Variants in CASZ1 observed in about 807,000 individuals in gnomAD.
The protein encoded by CASZ1 is zinc finger protein castor homolog 1.
Under a neutral mutation model 135.2 loss-of-function variants are expected in CASZ1, and 28 were observed. The observed-to-expected ratio is 0.21, with a 90% CI of 0.15 to 0.28. The LOEUF is 0.28. Among genes scored for constraint, CASZ1 ranks in the 10% least tolerant of loss-of-function variants. The pLI is 1.00. For synonymous variants in CASZ1, 1,068 were observed against 1,073.4 expected, an observed-to-expected ratio of 0.99 and a Z score of 0.10; for missense variants, 2,161 against 2,453.3, an observed-to-expected ratio of 0.88 and a Z score of 2.52.
rs1469814173 is a variant in CASZ1, at chr1:10,694,888, CGCCGGCGGCCGCGCGCGCGCTCGCATGCT to C, written c.-23-1005_-23-977del. On this transcript the variant is annotated intron_variant, in intron 3 of 20. Transcript: ENST00000377022. The surrounding 1 kb of genome is among the most constrained non-coding windows in gnomAD (Gnocchi z 6.6). ...CGGGCACGCGCCCACTCTTGCCGGC[CGCCGGCGGCCGCGCGCGCGCTCGCATGCT>C]GCCAGCGGCCGCTCGGGCCCCGCGA... Among the ~76,000 whole-genome samples, 4 of 143,610 alleles carry C rather than the reference CGCCGGCGGCCGCGCGCGCGCTCGCATGCT, an allele frequency of 2.8e-5. No homozygotes were observed. Among genetic ancestry groups the C allele is most frequent in the African/African-American group, 7.5e-5 (3 of 40,064 alleles). 94.2% of individuals were successfully genotyped at this position (143,610 alleles called of 152,430 possible). A position where few individuals can be genotyped will look rare whatever the true frequency, so the allele number is the denominator to read the frequency against.
At chr1:10,661,730 C>A (rs1040716123) in intron 5 of CASZ1, among the ~76,000 whole-genome samples, 3 of 151,152 alleles carry the variant, frequency 2.0e-5, no homozygotes, top group South Asian at 2.1e-4. Context: ...CACACACACA[C>A]AAAACATACA....
chr1:10,718,906 C>T (rs981716299), intron 2 of CASZ1, among the ~76,000 whole-genome samples: 2 of 152,134 alleles, frequency 1.3e-5, no homozygotes, highest in African/African-American at 4.8e-5. Context: ...GTCTCTCTTG[C>T]TCTGTTGCCC....
chr1:10,740,925 A>T lies in CASZ1; in HGVS notation c.-77+19776T>A, dbSNP rs116999638. Among the ~76,000 whole-genome samples, 718 of 130,496 alleles carry T rather than the reference A, an allele frequency of 5.5e-3. 39 individuals carry two copies. In the East Asian group the frequency reaches 0.16, roughly 30 times the overall value. 85.6% of individuals were successfully genotyped at this position (130,496 alleles called of 152,430 possible). On this transcript the variant is annotated intron_variant, in intron 2 of 20. Transcript: ENST00000377022. ...GTGAGCTATGATCGCTTCACTGCACACCAGCCTGGGCGACAGGGTGAGACC... is the reference window on the plus strand; with the variant it reads ...GTGAGCTATGATCGCTTCACTGCACTCCAGCCTGGGCGACAGGGTGAGACC...
chr1:10,691,782 T>TGG (rs1638778426), intron 4 of CASZ1, among the ~76,000 whole-genome samples: 1 of 152,072 alleles, frequency 6.6e-6, no homozygotes, highest in Non-Finnish European at 1.5e-5. Context: ...TTTGGTGAAG[T>TGG]GGGGGGAAGA....
Position 10,639,821 on chromosome 1 carries a change from C to G in CASZ1, c.4401G>C (p.Lys1467Asn). The G allele has an allele frequency of 6.2e-7, 1 of 1,610,534 alleles. No individual in the cohort carries two copies. Among genetic ancestry groups the G allele is most frequent in the Non-Finnish European group, 8.5e-7 (1 of 1,178,910 alleles). Residue 1467 changes from lysine (K) to asparagine (N), a missense_variant, in exon 21 of 21, where the codon AAG becomes AAC. This residue lies in a region of CASZ1 where 240 missense variants were observed against 321.4 expected (regional missense o/e 0.75). Transcript: ENST00000377022. The surrounding 1 kb of genome is among the most constrained non-coding windows in gnomAD (Gnocchi z 4.0). ...YHCTRENCGYKFCGRTHMYKH... is the reference protein window; with the variant it reads ...YHCTRENCGYNFCGRTHMYKH... The stretch of plus-strand genomic sequence containing the variant: ...TGTACATGTGCGTGCGCCCGCAGAA[C>G]TTGTAGCCGCAGTTCTCGCGCGTGC...
chr1:10,691,675 A>C (rs1638773327), intron 4 of CASZ1, among the ~76,000 whole-genome samples: 1 of 152,142 alleles, frequency 6.6e-6, no homozygotes, highest in Admixed American at 6.5e-5. Context: ...GTGCACTATG[A>C]AGTTGAGGGA....
chr1:10,751,703 C>T (rs1292559194), intron 2 of CASZ1, among the ~76,000 whole-genome samples: 1 of 152,182 alleles, frequency 6.6e-6, no homozygotes, highest in Non-Finnish European at 1.5e-5. Context: ...TCGTGCGGCA[C>T]CCCCGGCCCC....
intron 2 of CASZ1, among the ~76,000 whole-genome samples, chr1:10,729,253 T>C (rs946595701): frequency 4.6e-5 from 7 of 151,286 alleles, no homozygotes; most frequent in African/African-American, 1.7e-4. Context: ...CTGGCGCTAA[T>C]GGGAAGCAAG....
intron 12 of CASZ1, 91 bp from the exon 13 acceptor site, chr1:10,650,846 C>T (rs1004724214): frequency 4.1e-5 from 65 of 1,598,744 alleles, no homozygotes; most frequent in East Asian, 2.5e-4. Flanking sequence ...GGGCTCCAGC[C>T]GAGCCCGCTG....
At chr1:10,763,365 A>G (rs912317702) in intron 1 of CASZ1, among the ~76,000 whole-genome samples, 2 of 152,116 alleles carry the variant, frequency 1.3e-5, no homozygotes, top group African/African-American at 4.8e-5. Flanking sequence ...GCCCTTAGAC[A>G]AGCCTGCTAA....
In CASZ1 at chr1:10,765,126, C is replaced by T. The variant is rs140834357; in HGVS notation, c.-233-4269G>A. On this transcript the variant is annotated intron_variant, in intron 1 of 20. Transcript: ENST00000377022. Reference sequence around the variant, plus strand: ...CCACAATGAACATCAGCCACGGAGACGCGGGATTGGGAAGCAGGGCCAGAG... The same window carrying T: ...CCACAATGAACATCAGCCACGGAGATGCGGGATTGGGAAGCAGGGCCAGAG... 1.9e-3 allele frequency among the ~76,000 whole-genome samples: 296 copies of T among 152,250 alleles called. 6 individuals are homozygous for T. In the South Asian group the frequency reaches 0.037, roughly 19 times the overall value.
chr1:10,700,092 C>CACACACACACACACACACAT lies in CASZ1; in HGVS notation c.-24+5399_-24+5400insATGTGTGTGTGTGTGTGTGT, dbSNP rs1639029583. Among the ~76,000 whole-genome samples, 1 of 151,432 alleles carries CACACACACACACACACACAT rather than the reference C, an allele frequency of 6.6e-6. No homozygotes were observed. The highest frequency in any genetic ancestry group is 1.5e-5 in the Non-Finnish European group (1 of 67,768). On this transcript the variant is annotated intron_variant, in intron 3 of 20. Coordinates refer to ENST00000377022, the MANE Select transcript of CASZ1 (RefSeq NM_001079843.3). This position sits in a 1 kb window ranked among gnomAD's most constrained non-coding sequence, Gnocchi z 4.2. ...AAAGAGAGATAGAGACACACACACA[C>CACACACACACACACACACAT]ACACACACACACACACACACACACA...
At chr1:10,792,584 C>A (rs1226737431) in intron 1 of CASZ1, among the ~76,000 whole-genome samples, 1 of 151,784 alleles carries the variant, frequency 6.6e-6, no homozygotes, top group Non-Finnish European at 1.5e-5. Context: ...TATCTGTCAG[C>A]GTGATAAATA....
intron 9 of CASZ1, 41 bp downstream of exon 9, chr1:10,655,608 C>T: frequency 1.3e-6 from 2 of 1,575,818 alleles, no homozygotes; most frequent in Non-Finnish European, 1.7e-6. Flanking sequence ...GGGCCTGGGC[C>T]AGTCCTGCAG....
Position 10,694,403 on chromosome 1 carries a change from A to G in CASZ1, c.-23-491T>C. On this transcript the variant is annotated intron_variant, in intron 3 of 20. Coordinates refer to ENST00000377022, the MANE Select transcript of CASZ1 (RefSeq NM_001079843.3). The surrounding 1 kb of genome is among the most constrained non-coding windows in gnomAD (Gnocchi z 6.6). ...ACTCCCCGAATAACAAGTTGTTTTA[A>G]AGCCCTGATGTCATTGCTCCTGCCG... is the stretch of plus-strand genomic sequence containing the variant. 1.2e-6 allele frequency: 1 copy of G among 854,232 alleles called. No homozygotes were observed. Among genetic ancestry groups the G allele is most frequent in the Non-Finnish European group, 1.5e-6 (1 of 654,864 alleles). The allele number at this position is 854,232 out of a possible 1,614,324, so 52.9% of individuals were successfully genotyped here.
Position 10,651,054 on chromosome 1 carries a change from TG to T in CASZ1, c.2702del (p.Pro901GlnfsTer9). The T allele has an allele frequency of 6.5e-7, 1 of 1,537,472 alleles. No homozygotes were observed. ...TCACTTGGGCCGGGGGGAACCTGGC[TG>T]GGGTGACCTGCTGCCCGCTTCCTGC... ...FDPGSGQQVT[P>X]ARFPPAQVKP... is the part of the protein sequence containing the mutation. On this transcript the variant is annotated frameshift_variant, in exon 12 of 21. Transcript: ENST00000377022. LOFTEE classifies it high-confidence loss of function.
At chr1:10,745,193 T>C (rs114552938) in intron 2 of CASZ1, among the ~76,000 whole-genome samples, 2,015 of 152,268 alleles carry the variant, frequency 0.013, 42 homozygotes, top group African/African-American at 0.041. Context: ...AAATTTTCTT[T>C]GTCCTTTTAT....
In CASZ1 at chr1:10,649,252, C is replaced by G. The variant is rs284300; in HGVS notation, c.3035+31G>C. 0.2 allele frequency: 315,761 copies of G among 1,604,640 alleles called. 35,840 individuals carry two copies. Among genetic ancestry groups the G allele is most frequent in the African/African-American group, 0.48 (35,660 of 74,838 alleles). ...GGGCTCCAGGGCGGGTGCGGGGGGA[C>G]GATGGGTGGACGCGGCCAGCAGCCC... On this transcript the variant is annotated intron_variant, in intron 14 of 20. Transcript: ENST00000377022.
intron 2 of CASZ1, among the ~76,000 whole-genome samples, chr1:10,710,948 T>C (rs1029967503): frequency 6.6e-5 from 10 of 152,188 alleles, no homozygotes; most frequent in African/African-American, 2.4e-4. Context: ...CTGGCCAATA[T>C]GGTGAAACCC....
Sources: allele counts gnomAD v4.1 joint callset (sites outside exome capture counted in the v4.1 genomes callset), GRCh38; gene constraint gnomAD v4.1.1; regional missense constraint gnomAD v4.1.1; non-coding constraint Gnocchi (gnomAD v3.1); transcripts MANE v1.5; gene names NCBI Gene and HGNC (gene_info 2026-07-23, HGNC 2026-07-21).